CD200R1: variants seen among roughly 807,000 people sequenced by gnomAD.
CD200R1 encodes the protein cell surface glycoprotein CD200 receptor 1.
In CD200R1, 30 loss-of-function variants were observed where a neutral mutation model predicts 38.1. That is an observed-to-expected ratio of 0.79 (90% CI 0.59 to 1.07). The LOEUF (loss-of-function observed/expected upper bound fraction) is 1.07, where lower values mean the gene tolerates loss of function less well. CD200R1 is among the 50% of genes least tolerant of loss of function. The pLI, the probability that CD200R1 is intolerant of heterozygous loss-of-function variation, is 0.00. For synonymous variants in CD200R1, 128 were observed against 152.1 expected, an observed-to-expected ratio of 0.84 and a Z score of 1.16; for missense variants, 372 against 415.4, an observed-to-expected ratio of 0.90 and a Z score of 0.91.
chr3:112,927,854 T>G (rs1364296206), intron 5 of CD200R1, among the ~76,000 whole-genome samples: 6 of 152,144 alleles, frequency 3.9e-5, no homozygotes, highest in Non-Finnish European at 8.8e-5. Flanking sequence ...GGTACATACA[T>G]TCTTAAGGAA....
chr3:112,974,722 C>T (rs1015157823), intron 1 of CD200R1, 69 bp downstream of exon 1: 7 of 1,071,354 alleles, frequency 6.5e-6, no homozygotes, highest in South Asian at 3.8e-5. Context: ...AGAAGAAAGA[C>T]AAAAAATAAA....
rs768685543 is a variant in CD200R1 at position 112,929,430 on chromosome 3, T to C, written c.280A>G (p.Ile94Val). ...CPPIALRNLIIITWEIILRGQ... is the reference protein window; with the variant it reads ...CPPIALRNLIVITWEIILRGQ... The stretch of plus-strand genomic sequence containing the variant: ...CTCAGGATTATTTCCCATGTTATTA[T>C]GATCAAATTTCTTAATGCGATAGGA... Residue 94 changes from isoleucine to valine, a missense_variant, in exon 4 of 8, where the codon ATA (isoleucine) becomes GTA (valine). By Grantham distance (29) the Ile-to-Val change is conservative (BLOSUM62 3). Coordinates refer to ENST00000308611, the MANE Select transcript of CD200R1 (RefSeq NM_138806.4). 2.4e-5 allele frequency: 38 copies of C among 1,613,836 alleles called. No individual in the cohort carries two copies. Among genetic ancestry groups the C allele is most frequent in the Non-Finnish European group, 2.3e-5 (27 of 1,179,854 alleles).
rs1940194538 is a variant in CD200R1 at position 112,922,525 on chromosome 3, A to T, written c.*1152T>A. Reference sequence around the variant, plus strand: ...TCAATAGACATTAATTATTCAATAAATATATCACAATAGAATGTACACCAT... The same window carrying T: ...TCAATAGACATTAATTATTCAATAATTATATCACAATAGAATGTACACCAT... On this transcript the variant is annotated 3_prime_UTR_variant, in exon 8 of 8. Transcript: ENST00000308611. 1 of 151,944 alleles carries T rather than the reference A, an allele frequency of 6.6e-6. No homozygotes were observed. The highest frequency in any genetic ancestry group is 6.6e-5 in the Admixed American group (1 of 15,224). The allele number at this position is 151,944 out of a possible 1,614,324, so 9.4% of individuals were successfully genotyped here.
chr3:112,935,489 T>C (rs1940554011), intron 2 of CD200R1, among the ~76,000 whole-genome samples: 1 of 151,882 alleles, frequency 6.6e-6, no homozygotes, highest in South Asian at 2.1e-4. Context: ...GAATGACAAA[T>C]GAGTAAAGAA....
chr3:112,946,639 A>C (rs1314359311), intron 2 of CD200R1, among the ~76,000 whole-genome samples: 1 of 152,216 alleles, frequency 6.6e-6, no homozygotes, highest in African/African-American at 2.4e-5. Flanking sequence ...GAGAACCACT[A>C]CACACCAAAG....
chr3:112,941,067 A>C (rs780464426), intron 2 of CD200R1, among the ~76,000 whole-genome samples: 51 of 151,700 alleles, frequency 3.4e-4, no homozygotes, highest in Non-Finnish European at 4.6e-4. Flanking sequence ...GCCAAACATC[A>C]CATGTTCTCA....
At chr3:112,954,977 A>G (rs1174306112) in intron 1 of CD200R1, among the ~76,000 whole-genome samples, 1 of 152,210 alleles carries the variant, frequency 6.6e-6, no homozygotes, top group African/African-American at 2.4e-5. Context: ...TAGCATCAGA[A>G]TTGAATTGAA....
intron 2 of CD200R1, among the ~76,000 whole-genome samples, chr3:112,940,121 G>A (rs1402450353): frequency 6.6e-6 from 1 of 151,778 alleles, no homozygotes; most frequent in Non-Finnish European, 1.5e-5. Context: ...TTCATATGCA[G>A]AAGAATGAAA....
At chr3:112,950,577 C>A (rs1044082958) in intron 1 of CD200R1, among the ~76,000 whole-genome samples, 2 of 151,976 alleles carry the variant, frequency 1.3e-5, no homozygotes, top group African/African-American at 2.4e-5. Context: ...CCACACTGAC[C>A]TAATTCATAT....
intron 2 of CD200R1, among the ~76,000 whole-genome samples, chr3:112,939,880 A>AC (rs985969238): frequency 3.3e-5 from 5 of 151,138 alleles, no homozygotes; most frequent in African/African-American, 1.2e-4. Flanking sequence ...AAAAAAAAAA[A>AC]AAAAACAAGC....
intron 2 of CD200R1, among the ~76,000 whole-genome samples, chr3:112,942,384 T>C (rs980017348): frequency 2.6e-5 from 4 of 151,656 alleles, no homozygotes; most frequent in African/African-American, 9.7e-5. Flanking sequence ...TATATAGTAG[T>C]ATTTGAAAGT....
chr3:112,921,772 T>G lies in CD200R1; in HGVS notation c.*1905A>C, dbSNP rs748230321. On this transcript the variant is annotated 3_prime_UTR_variant, in exon 8 of 8. Coordinates refer to ENST00000308611, the MANE Select transcript of CD200R1 (RefSeq NM_138806.4). ...GAGATTTTCATACAATTATTTTCTGTACAATATAATTTAACTTCTATAAAT... is the reference window on the plus strand; with the variant it reads ...GAGATTTTCATACAATTATTTTCTGGACAATATAATTTAACTTCTATAAAT... 2.0e-5 allele frequency: 3 copies of G among 152,110 alleles called. No individual in the cohort carries two copies. The highest frequency in any genetic ancestry group is 1.5e-5 in the Non-Finnish European group (1 of 67,990). 9.4% of individuals were successfully genotyped at this position (152,110 alleles called of 1,614,324 possible).
chr3:112,928,562 ACTC>A (rs150761525), intron 5 of CD200R1, among the ~76,000 whole-genome samples: 6,069 of 152,264 alleles, frequency 0.04, 247 homozygotes, highest in East Asian at 0.21. Flanking sequence ...AAAGTATACT[ACTC>A]ATGCTAATTA....
intron 1 of CD200R1, among the ~76,000 whole-genome samples, chr3:112,958,036 G>A (rs1171875746): frequency 6.6e-6 from 1 of 151,994 alleles, no homozygotes; most frequent in Non-Finnish European, 1.5e-5. Flanking sequence ...CATTACTAGT[G>A]GGAATGTAAA....
At chr3:112,933,474 C>T (rs1303025436) in intron 2 of CD200R1, among the ~76,000 whole-genome samples, 1 of 152,176 alleles carries the variant, frequency 6.6e-6, no homozygotes, top group Non-Finnish European at 1.5e-5. Context: ...GAATGGATTA[C>T]ATATAAATAA....
chr3:112,972,979 T>C (rs1933347571), intron 1 of CD200R1, among the ~76,000 whole-genome samples: 2 of 152,244 alleles, frequency 1.3e-5, no homozygotes, highest in African/African-American at 4.8e-5. Flanking sequence ...ATATGCTTTT[T>C]TAAATCCTGA....
intron 3 of CD200R1, 94 bp from the exon 4 acceptor site, chr3:112,929,601 A>G (rs1940377712): frequency 8.7e-7 from 1 of 1,150,962 alleles, no homozygotes; most frequent in Non-Finnish European, 1.2e-6. Flanking sequence ...CTAGAACATA[A>G]CTTTGTTGGT....
At chr3:112,929,930 T>A (rs1356987303) in intron 3 of CD200R1, among the ~76,000 whole-genome samples, 2 of 152,078 alleles carry the variant, frequency 1.3e-5, no homozygotes, top group Non-Finnish European at 2.9e-5. Context: ...CCTCCTCAGC[T>A]TTGGTGAGCA....
Position 112,928,859 on chromosome 3 carries a change from G to C in CD200R1, c.726C>G (p.Ser242=), listed in dbSNP as rs554195753. Residue 242 remains serine (S), a synonymous_variant, in exon 5 of 8, where the codon TCC becomes TCG. Coordinates refer to ENST00000308611, the MANE Select transcript of CD200R1 (RefSeq NM_138806.4). ...ACAGACTCTTGTTGCCAGTCAAATG[G>C]GAGACGTGGCAGGTCACGGTAGACA... ...HNVSTVTCHV[S]HLTGNKSLYI... 3 of 1,613,806 alleles carry C rather than the reference G, an allele frequency of 1.9e-6. No individual in the cohort carries two copies. The highest frequency in any genetic ancestry group is 2.5e-6 in the Non-Finnish European group (3 of 1,179,940).
Sources: allele counts gnomAD v4.1 joint callset (sites outside exome capture counted in the v4.1 genomes callset), GRCh38; gene constraint gnomAD v4.1.1; transcripts MANE v1.5; gene names NCBI Gene and HGNC (gene_info 2026-07-23, HGNC 2026-07-21).